The following GRIP1 variants were observed in gnomAD, a reference collection of about 807,000 sequenced individuals.
GRIP1 encodes the protein glutamate receptor-interacting protein 1.
In GRIP1, 45 loss-of-function variants were observed where a neutral mutation model predicts 129.9. The observed-to-expected ratio is 0.35, with a 90% CI of 0.27 to 0.44. The LOEUF is 0.44. GRIP1 is among the 20% of genes least tolerant of loss of function. The pLI is 1.00. For missense variants in GRIP1, 1,196 were observed against 1,396.8 expected, an observed-to-expected ratio of 0.86 and a Z score of 2.29; for synonymous variants, 530 against 520.8, an observed-to-expected ratio of 1.02 and a Z score of -0.24.
intron 4 of GRIP1, among the ~76,000 whole-genome samples, chr12:66,534,448 T>A (rs761447903): frequency 5.3e-5 from 8 of 152,146 alleles, no homozygotes; most frequent in Non-Finnish European, 8.8e-5. Context: ...CAATGATAAA[T>A]CTAAATACTC....
chr12:66,527,041 G>A (rs1241414894), intron 5 of GRIP1, among the ~76,000 whole-genome samples: 1 of 143,070 alleles, frequency 7.0e-6, no homozygotes, highest in African/African-American at 2.6e-5. Flanking sequence ...TGCTGGAGAG[G>A]ATGTGGAGAA....
chr12:66,575,422 T>C (rs2063108676), intron 2 of GRIP1, among the ~76,000 whole-genome samples: 1 of 152,324 alleles, frequency 6.6e-6, no homozygotes, highest in South Asian at 2.1e-4. Flanking sequence ...TATGAACAAT[T>C]AGAAGTGTTT....
chr12:66,965,131 T>C (rs1182000127), intron 1 of GRIP1, among the ~76,000 whole-genome samples: 1 of 152,122 alleles, frequency 6.6e-6, no homozygotes, highest in Non-Finnish European at 1.5e-5. Context: ...CCTAATAATA[T>C]TCTATAATCG....
intron 7 of GRIP1, among the ~76,000 whole-genome samples, chr12:66,494,167 A>G (rs948178078): frequency 1.3e-5 from 2 of 152,216 alleles, no homozygotes; most frequent in Admixed American, 1.3e-4. Flanking sequence ...GCTTAACATT[A>G]AATATTTGAT....
At chr12:67,061,986 T>C (rs1163356952) in intron 1 of GRIP1, among the ~76,000 whole-genome samples, 2 of 152,170 alleles carry the variant, frequency 1.3e-5, no homozygotes, top group Non-Finnish European at 2.9e-5. Context: ...ACTCTTCATG[T>C]TTCCGACATT....
intron 16 of GRIP1, among the ~76,000 whole-genome samples, chr12:66,396,188 C>A (rs975102189): frequency 2.6e-5 from 4 of 152,190 alleles, no homozygotes; most frequent in Non-Finnish European, 4.4e-5. Context: ...ATAGGAAAGA[C>A]CTTGACCCCT....
At chr12:66,694,577 A>G (rs1217095812) in intron 1 of GRIP1, among the ~76,000 whole-genome samples, 5 of 152,194 alleles carry the variant, frequency 3.3e-5, no homozygotes, top group Admixed American at 3.3e-4. Flanking sequence ...CTATAAATGA[A>G]GATAATAAAA....
At chr12:66,922,855 A>C (rs544012227) in intron 1 of GRIP1, among the ~76,000 whole-genome samples, 63 of 152,342 alleles carry the variant, frequency 4.1e-4, no homozygotes, top group Admixed American at 2.6e-4. Flanking sequence ...TAGATCAAAA[A>C]GACAGGATCT....
intron 1 of GRIP1, among the ~76,000 whole-genome samples, chr12:67,018,202 A>G (rs1284512122): frequency 6.6e-6 from 1 of 151,878 alleles, no homozygotes; most frequent in African/African-American, 2.4e-5. Context: ...TGGGCCCAAG[A>G]CTGTTTCCTC....
chr12:67,025,128 C>T (rs1430394407), intron 1 of GRIP1, among the ~76,000 whole-genome samples: 1 of 152,190 alleles, frequency 6.6e-6, no homozygotes, highest in African/African-American at 2.4e-5. Flanking sequence ...AACTTGAGGT[C>T]AGGAGTTAGA....
chr12:66,376,287 T>C (rs1245012375), intron 22 of GRIP1, among the ~76,000 whole-genome samples: 1 of 152,206 alleles, frequency 6.6e-6, no homozygotes. Context: ...TGAGTAATCA[T>C]TTTAGAATTG....
intron 1 of GRIP1, among the ~76,000 whole-genome samples, chr12:66,705,691 C>G (rs1198931741): frequency 6.6e-6 from 1 of 152,146 alleles, no homozygotes; most frequent in East Asian, 1.9e-4. Flanking sequence ...CAGCATGGTA[C>G]TGGTACCAAA....
Position 66,925,223 on chromosome 12 carries a change from T to A in GRIP1, c.58+143827A>T, listed in dbSNP as rs184422558. Among the ~76,000 whole-genome samples the A allele has an allele frequency of 2.0e-5, 3 of 152,132 alleles. No individual in the cohort carries two copies. The East Asian group carries it at 5.8e-4, about 29-fold the overall frequency. ...CTCCCATATACAAAGTCAGAGAAGA[T>A]AAAGATCTATACATACACACTCATG... On this transcript the variant is annotated intron_variant, in intron 1 of 1. Coordinates refer to the GRIP1 transcript ENST00000643019.
intron 11 of GRIP1, among the ~76,000 whole-genome samples, chr12:66,452,559 A>T (rs967750708): frequency 6.6e-6 from 1 of 152,198 alleles, no homozygotes; most frequent in Admixed American, 6.5e-5. Context: ...TTGGAAATAC[A>T]TATGAGCATT....
At chr12:66,935,972 C>T (rs1444569422) in intron 1 of GRIP1, among the ~76,000 whole-genome samples, 1 of 151,976 alleles carries the variant, frequency 6.6e-6, no homozygotes, top group African/African-American at 2.4e-5. Flanking sequence ...GTACAGAGAC[C>T]TTCTCAGGCC....
chr12:66,396,319 G>C (rs2056787288), intron 16 of GRIP1, among the ~76,000 whole-genome samples: 1 of 152,112 alleles, frequency 6.6e-6, no homozygotes, highest in Non-Finnish European at 1.5e-5. Context: ...AGGACCTGGA[G>C]ACCCAAGAAC....
At chr12:66,980,050 G>C (rs921596517) in intron 1 of GRIP1, among the ~76,000 whole-genome samples, 1 of 152,138 alleles carries the variant, frequency 6.6e-6, no homozygotes, top group Non-Finnish European at 1.5e-5. Flanking sequence ...ATGCCAGTGA[G>C]GCTTCTGCAG....
chr12:66,840,617 T>A (rs1474543063), intron 1 of GRIP1, among the ~76,000 whole-genome samples: 1 of 152,180 alleles, frequency 6.6e-6, no homozygotes, highest in Non-Finnish European at 1.5e-5. Flanking sequence ...TCATTTTACA[T>A]CAGGGCATAA....
chr12:66,474,894 T>C (rs946928363), intron 7 of GRIP1, among the ~76,000 whole-genome samples: 2 of 152,142 alleles, frequency 1.3e-5, no homozygotes, highest in Admixed American at 1.3e-4. Flanking sequence ...GTAAAGACTA[T>C]CGATGCTAGG....
Sources: allele counts gnomAD v4.1 joint callset (sites outside exome capture counted in the v4.1 genomes callset), GRCh38; gene constraint gnomAD v4.1.1; transcripts MANE v1.5; gene names NCBI Gene and HGNC (gene_info 2026-07-23, HGNC 2026-07-21).